The following RGS21 variants were observed in gnomAD, a reference collection of about 807,000 sequenced individuals.
RGS21 encodes the protein regulator of G protein signaling 21, also known as regulator of G-protein signalling 21.
In RGS21, 19 loss-of-function variants were observed where a neutral mutation model predicts 18.7. The ratio of observed to expected loss-of-function variants is 1.01; its 90% CI spans 0.71 to 1.49. RGS21 has a LOEUF of 1.49. Ranked by LOEUF, RGS21 falls within the 40% of genes most tolerant of loss-of-function variation. RGS21 has a pLI of 0.00. For synonymous variants in RGS21, 56 were observed against 57.8 expected (o/e 0.97, Z 0.14); for missense variants, 194 against 176.8 (o/e 1.10, Z -0.55).
At chr1:192,342,935 C>T (rs1290628895) in intron 1 of RGS21, 42 bp from the exon 2 acceptor site, 15 of 1,147,572 alleles carry the variant, frequency 1.3e-5, no homozygotes, top group Admixed American at 5.1e-5. Flanking sequence ...GATAGGTATT[C>T]GCATACTAAT....
chr1:192,335,907 T>G (rs1658759544), intron 1 of RGS21, among the ~76,000 whole-genome samples: 1 of 152,092 alleles, frequency 6.6e-6, no homozygotes, highest in African/African-American at 2.4e-5. Flanking sequence ...AGAAAAACAG[T>G]TTATATACTA....
At chr1:192,319,881 T>C (rs1295905243) in intron 1 of RGS21, among the ~76,000 whole-genome samples, 4 of 152,124 alleles carry the variant, frequency 2.6e-5, no homozygotes, top group East Asian at 3.9e-4. Context: ...CAACTCTCCA[T>C]GCCTCTGTTT....
Position 192,343,016 on chromosome 1 carries a change from T to C in RGS21, c.-21T>C, listed in dbSNP as rs376486495. The C allele has an allele frequency of 9.3e-6, 15 of 1,612,362 alleles. No individual in the cohort carries two copies. The highest frequency in any genetic ancestry group is 1.3e-5 in the Non-Finnish European group (15 of 1,178,612). ...AGAAAGAGAAACTCGGCATCATCTG[T>C]GACAGACAGTGGAACGAAAAATGCC... On this transcript the variant is annotated 5_prime_UTR_variant, in exon 2 of 5. Coordinates refer to ENST00000417209, the MANE Select transcript of RGS21 (RefSeq NM_001039152.3).
intron 1 of RGS21, among the ~76,000 whole-genome samples, chr1:192,333,703 A>G (rs1658698153): frequency 6.6e-6 from 1 of 151,530 alleles, no homozygotes; most frequent in African/African-American, 2.4e-5. Flanking sequence ...AGAAGGTACT[A>G]TAAGGGCATA....
chr1:192,322,225 A>G (rs1037643020), intron 1 of RGS21, among the ~76,000 whole-genome samples: 6 of 151,750 alleles, frequency 4.0e-5, no homozygotes, highest in African/African-American at 1.5e-4. Flanking sequence ...ATGACATTCA[A>G]ATATCTAAAG....
At chr1:192,322,835 T>A (rs1658515826) in intron 1 of RGS21, among the ~76,000 whole-genome samples, 1 of 152,086 alleles carries the variant, frequency 6.6e-6, no homozygotes, top group Non-Finnish European at 1.5e-5. Flanking sequence ...TCCCTGATAC[T>A]CTGGATTGGA....
chr1:192,333,571 C>T (rs1307357752), intron 1 of RGS21, among the ~76,000 whole-genome samples: 3 of 146,822 alleles, frequency 2.0e-5, no homozygotes, highest in South Asian at 4.3e-4. Flanking sequence ...TTGGAAAGAG[C>T]CCATCTCAAA....
intron 1 of RGS21, among the ~76,000 whole-genome samples, chr1:192,321,184 G>T (rs997785455): frequency 1.3e-5 from 2 of 151,780 alleles, no homozygotes; most frequent in Non-Finnish European, 2.9e-5. Flanking sequence ...TTTTCTGTTA[G>T]ATTTAGATTT....
At chr1:192,329,497 A>G (rs141545858) in intron 1 of RGS21, among the ~76,000 whole-genome samples, 1 of 152,246 alleles carries the variant, frequency 6.6e-6, no homozygotes, top group Non-Finnish European at 1.5e-5. Flanking sequence ...TATTATTAAG[A>G]GAAAAGGGGC....
chr1:192,365,086 A>C (rs975395758), intron 4 of RGS21, among the ~76,000 whole-genome samples: 1 of 151,730 alleles, frequency 6.6e-6, no homozygotes, highest in African/African-American at 2.4e-5. Context: ...CAGTGAGCCT[A>C]GATTGTGCCA....
At chr1:192,350,031 A>G (rs1006831335) in intron 3 of RGS21, among the ~76,000 whole-genome samples, 3 of 152,186 alleles carry the variant, frequency 2.0e-5, no homozygotes, top group African/African-American at 7.2e-5. Flanking sequence ...CATTGTTTGA[A>G]CTGAATTCAA....
intron 4 of RGS21, among the ~76,000 whole-genome samples, chr1:192,359,218 T>C (rs1043260975): frequency 6.6e-6 from 1 of 152,148 alleles, no homozygotes; most frequent in African/African-American, 2.4e-5. Context: ...AGGGTATCCA[T>C]ACAAACAATA....
chr1:192,336,549 C>T (rs932201483), intron 1 of RGS21, among the ~76,000 whole-genome samples: 7 of 151,982 alleles, frequency 4.6e-5, no homozygotes, highest in East Asian at 1.9e-4. Context: ...CCTGGCAGTG[C>T]GCATATTAGA....
rs1658895163 is a variant in RGS21, at chr1:192,343,041, C to T, written c.5C>T (p.Pro2Leu). The change falls in exon 2 of 5, where the codon CCA becomes CTA. Residue 2 changes from proline to leucine, a missense_variant. Pro to Leu is a moderately conservative substitution (Grantham distance 98, BLOSUM62 -3). Coordinates refer to ENST00000417209, the MANE Select transcript of RGS21 (RefSeq NM_001039152.3). The part of the protein sequence containing the change: M[P>L]VKCCFYRSPT... Reference sequence around the variant, plus strand: ...TGACAGACAGTGGAACGAAAAATGCCAGTGAAGTGAGTTGCCGTTTCCAGC... The same window carrying T: ...TGACAGACAGTGGAACGAAAAATGCTAGTGAAGTGAGTTGCCGTTTCCAGC... 6.2e-7 allele frequency: 1 copy of T among 1,612,486 alleles called. No homozygotes were observed. Among genetic ancestry groups the T allele is most frequent in the Non-Finnish European group, 8.5e-7 (1 of 1,178,872 alleles).
chr1:192,330,795 G>T (rs1047430567), intron 1 of RGS21, among the ~76,000 whole-genome samples: 1 of 152,192 alleles, frequency 6.6e-6, no homozygotes, highest in Admixed American at 6.5e-5. Flanking sequence ...TTATGTTAAT[G>T]ATAACTCTGA....
intron 1 of RGS21, among the ~76,000 whole-genome samples, chr1:192,340,781 C>T (rs1480853471): frequency 6.6e-6 from 1 of 152,010 alleles, no homozygotes; most frequent in Non-Finnish European, 1.5e-5. Flanking sequence ...TACATGGCGG[C>T]AGACAAGAGA....
At chr1:192,323,266 C>T (rs890409809) in intron 1 of RGS21, among the ~76,000 whole-genome samples, 1 of 152,074 alleles carries the variant, frequency 6.6e-6, no homozygotes, top group Non-Finnish European at 1.5e-5. Context: ...GAAGGAAATT[C>T]CATTTATTTG....
chr1:192,365,959 G>A lies in RGS21; in HGVS notation c.294G>A (p.Lys98=), dbSNP rs1354757365. ...TCGGTACCAGAGACCTCATCTCAAA[G>A]AATATTGCTGAACCAACACTCAAAT... is the stretch of plus-strand genomic sequence containing the variant. The part of the protein sequence containing the change: ...IDFGTRDLIS[K]NIAEPTLKCF... The change falls in exon 5 of 5, where the codon AAG becomes AAA. Residue 98 remains lysine (K), a synonymous_variant. Coordinates refer to ENST00000417209, the MANE Select transcript of RGS21 (RefSeq NM_001039152.3). The A allele has an allele frequency of 6.2e-7, 1 of 1,610,434 alleles. No individual in the cohort carries two copies. The highest frequency in any genetic ancestry group is 8.5e-7 in the Non-Finnish European group (1 of 1,177,402).
intron 2 of RGS21, among the ~76,000 whole-genome samples, chr1:192,344,782 A>C (rs889668113): frequency 2.6e-5 from 4 of 152,078 alleles, no homozygotes; most frequent in African/African-American, 7.2e-5. Flanking sequence ...AATAGGCTAT[A>C]AAGGAATGAG....
Sources: gnomAD v4.1 joint callset for allele counts (sites outside exome capture counted in the v4.1 genomes callset) on GRCh38, gnomAD v4.1.1 for gene constraint, MANE v1.5 for transcripts, NCBI Gene and HGNC (gene_info 2026-07-23, HGNC 2026-07-21) for gene names.